The following NEGR1 variants were observed in gnomAD, a reference collection of about 807,000 sequenced individuals.
The protein encoded by NEGR1 is neuronal growth regulator 1.
Under a neutral mutation model 40.9 loss-of-function variants are expected in NEGR1, and 10 were observed. The observed-to-expected ratio is 0.24, with a 90% CI of 0.15 to 0.42. NEGR1 has a LOEUF of 0.42. NEGR1 is among the 10% of genes least tolerant of loss of function. NEGR1 has a pLI of 1.00. For synonymous variants in NEGR1, 185 were observed against 166.8 expected (o/e 1.11, Z -0.84); for missense variants, 352 against 438.9 (o/e 0.80, Z 1.77).
chr1:72,082,662 T>C (rs531015195), intron 1 of NEGR1, among the ~76,000 whole-genome samples: 23 of 151,258 alleles, frequency 1.5e-4, no homozygotes, highest in Non-Finnish European at 2.8e-4. Flanking sequence ...CAAAATTTTA[T>C]GCTTTCAAAA....
intron 1 of NEGR1, among the ~76,000 whole-genome samples, chr1:72,027,364 T>G (rs970561650): frequency 2.0e-5 from 3 of 152,164 alleles, no homozygotes; most frequent in Non-Finnish European, 1.5e-5. Context: ...GGTAAAAGAA[T>G]GAGATTTTTC....
intron 2 of NEGR1, among the ~76,000 whole-genome samples, chr1:71,790,646 G>A (rs1657082155): frequency 6.6e-6 from 1 of 152,002 alleles, no homozygotes; most frequent in Non-Finnish European, 1.5e-5. Flanking sequence ...TAAACAAGAA[G>A]TATCCTAACA....
chr1:71,894,273 C>G (rs1189700855), intron 2 of NEGR1, among the ~76,000 whole-genome samples: 1 of 150,026 alleles, frequency 6.7e-6, no homozygotes, highest in Non-Finnish European at 1.5e-5. Context: ...GTCAAGAACA[C>G]AAGACTTTTT....
intron 1 of NEGR1, among the ~76,000 whole-genome samples, chr1:72,252,955 A>G (rs550602774): frequency 1.3e-5 from 2 of 152,326 alleles, no homozygotes; most frequent in African/African-American, 4.8e-5. Flanking sequence ...AGAGATATAA[A>G]TTTGCAGGTT....
chr1:72,084,173 C>T (rs565342022), intron 1 of NEGR1, among the ~76,000 whole-genome samples: 26 of 152,118 alleles, frequency 1.7e-4, no homozygotes, highest in African/African-American at 6.3e-4. Flanking sequence ...ATATTTTAAA[C>T]ACTCCTTTGA....
At chr1:71,936,830 G>A (rs915539657) in intron 1 of NEGR1, among the ~76,000 whole-genome samples, 1 of 152,304 alleles carries the variant, frequency 6.6e-6, no homozygotes, top group Admixed American at 6.5e-5. Context: ...GGCACATCAA[G>A]CTTTAGAACA....
chr1:71,508,263 T>C (rs570708974), intron 6 of NEGR1, among the ~76,000 whole-genome samples: 3 of 152,202 alleles, frequency 2.0e-5, no homozygotes, highest in African/African-American at 7.2e-5. Context: ...ATGAAAGCTA[T>C]GCAAACAGTT....
At position 71,502,434 on chromosome 1, in the gene NEGR1, C is replaced by T. The variant is rs1035709576; in HGVS notation, c.940+90383G>A. 1.2e-4 allele frequency among the ~76,000 whole-genome samples: 19 copies of T among 152,266 alleles called. 1 individual carries two copies. The South Asian group carries it at 3.7e-3, about 30-fold the overall frequency. ...TGTGCCTGCCTACTAGACACCTGAT[C>T]TTGCAAGATCGCCATTAAAAGTCTC... On this transcript the variant is annotated intron_variant, in intron 6 of 6. Coordinates refer to ENST00000357731, the MANE Select transcript of NEGR1 (RefSeq NM_173808.3).
At chr1:72,095,960 T>C (rs2100232134) in intron 1 of NEGR1, among the ~76,000 whole-genome samples, 1 of 152,306 alleles carries the variant, frequency 6.6e-6, no homozygotes, top group Non-Finnish European at 1.5e-5. Flanking sequence ...TTCAAAATAG[T>C]GGATTAAATA....
At chr1:71,710,856 T>C (rs549454106) in intron 3 of NEGR1, among the ~76,000 whole-genome samples, 1 of 152,180 alleles carries the variant, frequency 6.6e-6, no homozygotes, top group African/African-American at 2.4e-5. Flanking sequence ...AATAACTTAA[T>C]TGTATATTTT....
At chr1:72,189,919 T>C (rs972577935) in intron 1 of NEGR1, among the ~76,000 whole-genome samples, 1 of 151,584 alleles carries the variant, frequency 6.6e-6, no homozygotes, top group African/African-American at 2.4e-5. Flanking sequence ...TGATCATTAG[T>C]GTCAAGTGGT....
At chr1:71,544,686 T>C (rs1647830420) in intron 6 of NEGR1, among the ~76,000 whole-genome samples, 1 of 151,748 alleles carries the variant, frequency 6.6e-6, no homozygotes, top group Admixed American at 6.6e-5. Flanking sequence ...TTATCTCCTG[T>C]CTGACAGCCC....
intron 2 of NEGR1, among the ~76,000 whole-genome samples, chr1:71,926,431 T>G (rs181037004): frequency 1.7e-3 from 266 of 152,222 alleles, no homozygotes; most frequent in African/African-American, 6.0e-3. Context: ...TTGGCCCTCT[T>G]CTACCACCCT....
intron 4 of NEGR1, among the ~76,000 whole-genome samples, chr1:71,665,361 T>C (rs1240958317): frequency 6.6e-6 from 1 of 152,164 alleles, no homozygotes. Context: ...AAAATAGAGG[T>C]ATATGTTAAA....
chr1:71,976,579 T>C (rs1646306002), intron 1 of NEGR1, among the ~76,000 whole-genome samples: 1 of 152,342 alleles, frequency 6.6e-6, no homozygotes, highest in East Asian at 1.9e-4. Context: ...TGATCTCAAC[T>C]GCAGATAATA....
chr1:71,867,473 T>A (rs1660152094), intron 2 of NEGR1, among the ~76,000 whole-genome samples: 1 of 152,232 alleles, frequency 6.6e-6, no homozygotes, highest in African/African-American at 2.4e-5. Context: ...GAATTGGGGT[T>A]GTTTACATTA....
intron 6 of NEGR1, among the ~76,000 whole-genome samples, chr1:71,512,989 C>T (rs552562653): frequency 1.3e-5 from 2 of 152,234 alleles, no homozygotes; most frequent in African/African-American, 2.4e-5. Flanking sequence ...TTTTACTATA[C>T]ATATAACATC....
intron 2 of NEGR1, among the ~76,000 whole-genome samples, chr1:71,902,459 G>C (rs1661167113): frequency 1.3e-5 from 2 of 152,238 alleles, no homozygotes; most frequent in Middle Eastern, 3.4e-3. Context: ...TTAGACACAA[G>C]TATTTTTATG....
At chr1:72,226,278 CTT>C (rs929648983) in intron 1 of NEGR1, among the ~76,000 whole-genome samples, 1 of 151,838 alleles carries the variant, frequency 6.6e-6, no homozygotes, top group Non-Finnish European at 1.5e-5. Flanking sequence ...TAACACAGGT[CTT>C]TTAAAATGTA....
Sources: allele counts gnomAD v4.1 joint callset (sites outside exome capture counted in the v4.1 genomes callset), GRCh38; gene constraint gnomAD v4.1.1; transcripts MANE v1.5; gene names NCBI Gene and HGNC (gene_info 2026-07-23, HGNC 2026-07-21).